ARSJ: variants seen among roughly 807,000 people sequenced by gnomAD.
The protein encoded by ARSJ is arylsulfatase family member J, also known as arylsulfatase J.
ARSJ carries 26 observed loss-of-function variants against 35.9 expected under a neutral mutation model. The ratio of observed to expected loss-of-function variants is 0.72; its 90% CI spans 0.53 to 1.00. ARSJ has a LOEUF of 1.00. Ranked by LOEUF, ARSJ falls within the 50% of genes least tolerant of loss-of-function variation. The pLI is 0.00. For missense variants in ARSJ, 667 were observed against 723.6 expected (o/e 0.92, Z 0.90); for synonymous variants, 294 against 267.6 (o/e 1.10, Z -0.96).
At chr4:113,926,845 AGTTGTTATC>A (rs1272776175) in intron 1 of ARSJ, among the ~76,000 whole-genome samples, 2 of 152,012 alleles carry the variant, frequency 1.3e-5, no homozygotes, top group Non-Finnish European at 2.9e-5. Flanking sequence ...TCAAAAGGAG[AGTTGTTATC>A]TGCAGAAGAC....
In ARSJ at chr4:113,903,526, C is replaced by T. The variant is rs369205905; in HGVS notation, c.548G>A (p.Arg183Lys). ...MVGKWHLGFY[R>K]KECMPTRRGF... ...TCTTCTGGTGGGCATGCATTCTTTT[C>T]TGTAAAAACCCAAGTGCCATTTTCC... The change falls in exon 2 of 2, where the codon AGA (arginine) becomes AAA (lysine). Residue 183 changes from arginine to lysine, a missense_variant. Transcript: ENST00000315366. 1.9e-6 allele frequency: 3 copies of T among 1,614,182 alleles called. No homozygotes were observed. Among genetic ancestry groups the T allele is most frequent in the African/African-American group, 1.3e-5 (1 of 75,048 alleles).
intron 1 of ARSJ, among the ~76,000 whole-genome samples, chr4:113,909,109 A>G (rs924881909): frequency 2.6e-5 from 4 of 152,096 alleles, no homozygotes; most frequent in Non-Finnish European, 5.9e-5. Context: ...AACTGATAGG[A>G]CTAAATCAGT....
chr4:113,901,365 GT>G lies in ARSJ; in HGVS notation c.*908del, dbSNP rs1282686240. The G allele has an allele frequency of 6.6e-6, 1 of 152,206 alleles. No individual in the cohort carries two copies. The highest frequency in any genetic ancestry group is 2.1e-4 in the South Asian group (1 of 4,822). The allele number at this position is 152,206 out of a possible 1,614,324, so 9.4% of individuals were successfully genotyped here. A position where few individuals can be genotyped will look rare whatever the true frequency, so the allele number is the denominator to read the frequency against. On this transcript the variant is annotated 3_prime_UTR_variant, in exon 2 of 2. Coordinates refer to ENST00000315366, the MANE Select transcript of ARSJ (RefSeq NM_024590.4). ...ACGATTATAAAGTTTTCTGAATGAT[GT>G]TTTTTATAGTCTGAATTCACACAGT...
intron 1 of ARSJ, among the ~76,000 whole-genome samples, chr4:113,932,328 C>T (rs1724505640): frequency 1.3e-5 from 2 of 151,806 alleles, no homozygotes; most frequent in Non-Finnish European, 2.9e-5. Context: ...AAATCAACAA[C>T]AAAAAAATAA....
At chr4:113,930,509 A>C (rs1010931456) in intron 1 of ARSJ, among the ~76,000 whole-genome samples, 1 of 152,168 alleles carries the variant, frequency 6.6e-6, no homozygotes, top group East Asian at 1.9e-4. Context: ...CAATCCAATC[A>C]AACTGACACC....
chr4:113,968,530 G>A (rs1727035488), intron 1 of ARSJ, among the ~76,000 whole-genome samples: 1 of 152,132 alleles, frequency 6.6e-6, no homozygotes, highest in Non-Finnish European at 1.5e-5. Flanking sequence ...ATGCAATGAT[G>A]TCTTCCCAGA....
chr4:113,942,633 T>G (rs1725228164), intron 1 of ARSJ, among the ~76,000 whole-genome samples: 1 of 152,054 alleles, frequency 6.6e-6, no homozygotes, highest in Non-Finnish European at 1.5e-5. Flanking sequence ...CTTGGAATGT[T>G]CTTCAATTTC....
Position 113,978,402 on chromosome 4 carries a change from T to A in ARSJ, c.398+35A>T, listed in dbSNP as rs762879112. 2.0e-6 allele frequency: 3 copies of A among 1,515,782 alleles called. No individual in the cohort carries two copies. The South Asian group carries it at 3.9e-5, about 20-fold the overall frequency. 93.9% of individuals were successfully genotyped at this position (1,515,782 alleles called of 1,614,324 possible). A position where few individuals can be genotyped will look rare whatever the true frequency, so the allele number is the denominator to read the frequency against. ...ATCTTCATTAAATGCTTAAGATTTC[T>A]CCAAGGAATAAATATAAGAAGTAGG... is the stretch of plus-strand genomic sequence containing the variant. On this transcript the variant is annotated intron_variant, in intron 1 of 1. Coordinates refer to ENST00000315366, the MANE Select transcript of ARSJ (RefSeq NM_024590.4).
intron 1 of ARSJ, among the ~76,000 whole-genome samples, chr4:113,974,305 T>A (rs1327756688): frequency 1.3e-5 from 2 of 150,872 alleles, no homozygotes; most frequent in Non-Finnish European, 3.0e-5. Context: ...ATAAAAAAAA[T>A]GAAAAATCGC....
chr4:113,963,595 A>G (rs1182684880), intron 1 of ARSJ, among the ~76,000 whole-genome samples: 3 of 152,102 alleles, frequency 2.0e-5, no homozygotes, highest in Non-Finnish European at 2.9e-5. Flanking sequence ...CTACAATTCA[A>G]GATGAGATTT....
rs1255544055 is a variant in ARSJ at position 113,900,939 on chromosome 4, C to G, written c.*1335G>C. ...ACTTTGTATAAGAGTAAGTTTATTA[C>G]TTTTAATGGGAAAAACCGCAACTAG... is the stretch of plus-strand genomic sequence containing the variant. On this transcript the variant is annotated 3_prime_UTR_variant, in exon 2 of 2. Transcript: ENST00000315366. 6.6e-6 allele frequency: 1 copy of G among 152,096 alleles called. No homozygotes were observed. The highest frequency in any genetic ancestry group is 2.4e-5 in the African/African-American group (1 of 41,422). 9.4% of individuals were successfully genotyped at this position (152,096 alleles called of 1,614,324 possible). A position where few individuals can be genotyped will look rare whatever the true frequency, so the allele number is the denominator to read the frequency against.
At chr4:113,919,575 TC>T (rs1723537098) in intron 1 of ARSJ, among the ~76,000 whole-genome samples, 1 of 152,212 alleles carries the variant, frequency 6.6e-6, no homozygotes, top group Non-Finnish European at 1.5e-5. Flanking sequence ...TCATGTTCCA[TC>T]ATTTGGCTCC....
At position 113,902,988 on chromosome 4, in the gene ARSJ, T is replaced by G; in HGVS notation, c.1086A>C (p.Pro362=). ...ACACTGTTCCCTTGTTTTTCAGAAG[T>G]GGGCTATGCACAAAGCCTACAGCCC... The part of the protein sequence containing the change: ...GIRAVGFVHS[P]LLKNKGTVCK... The change falls in exon 2 of 2, where the codon CCA becomes CCC. Residue 362 remains proline, a synonymous_variant. Coordinates refer to ENST00000315366, the MANE Select transcript of ARSJ (RefSeq NM_024590.4). 1 of 1,614,168 alleles carries G rather than the reference T, an allele frequency of 6.2e-7. No homozygotes were observed. The highest frequency in any genetic ancestry group is 8.5e-7 in the Non-Finnish European group (1 of 1,180,034).
chr4:113,979,000 G>A lies in ARSJ; in HGVS notation c.-166C>T, dbSNP rs1436870376. ...ACAACTTTAATCTTCCAGAAGTGAT[G>A]GCTTAATGGATGGGACTCCGGAAGA... On this transcript the variant is annotated 5_prime_UTR_variant, in exon 1 of 2. Transcript: ENST00000315366. 1.2e-5 allele frequency: 8 copies of A among 659,490 alleles called. No individual in the cohort carries two copies. Among genetic ancestry groups the A allele is most frequent in the Non-Finnish European group, 1.7e-5 (7 of 406,834 alleles). 40.9% of individuals were successfully genotyped at this position (659,490 alleles called of 1,614,324 possible). A position where few individuals can be genotyped will look rare whatever the true frequency, so the allele number is the denominator to read the frequency against.
At chr4:113,948,202 C>T (rs1459125131) in intron 1 of ARSJ, among the ~76,000 whole-genome samples, 1 of 151,860 alleles carries the variant, frequency 6.6e-6, no homozygotes, top group African/African-American at 2.4e-5. Context: ...AAAAAATTAA[C>T]ATAGTATTTT....
At chr4:113,977,118 G>A (rs1186479305) in intron 1 of ARSJ, among the ~76,000 whole-genome samples, 2 of 152,192 alleles carry the variant, frequency 1.3e-5, no homozygotes, top group East Asian at 1.9e-4. Flanking sequence ...CCATATATAA[G>A]GGTGTTTGGA....
chr4:113,909,993 T>C (rs1279520993), intron 1 of ARSJ, among the ~76,000 whole-genome samples: 1 of 152,150 alleles, frequency 6.6e-6, no homozygotes, highest in Admixed American at 6.5e-5. Context: ...AAAAATAGAT[T>C]TTTCATATAA....
At chr4:113,940,755 G>A (rs1725104333) in intron 1 of ARSJ, among the ~76,000 whole-genome samples, 1 of 151,876 alleles carries the variant, frequency 6.6e-6, no homozygotes, top group Non-Finnish European at 1.5e-5. Context: ...TCTAAGAAGA[G>A]TTATATTAAA....
At chr4:113,956,879 G>A (rs767571476) in intron 1 of ARSJ, among the ~76,000 whole-genome samples, 5 of 152,002 alleles carry the variant, frequency 3.3e-5, no homozygotes, top group African/African-American at 9.7e-5. Context: ...GACTTTGCAG[G>A]CTCCAGGGTG....
Sources: allele counts gnomAD v4.1 joint callset (sites outside exome capture counted in the v4.1 genomes callset), GRCh38; gene constraint gnomAD v4.1.1; transcripts MANE v1.5; gene names NCBI Gene and HGNC (gene_info 2026-07-23, HGNC 2026-07-21).